TMEM117: variants seen among roughly 807,000 people sequenced by gnomAD.
TMEM117 encodes transmembrane protein 117.
A neutral mutation model predicts 52.4 loss-of-function variants in TMEM117; 27 were observed. That is an observed-to-expected ratio of 0.51 (90% CI 0.38 to 0.71). TMEM117 has a LOEUF of 0.71. Ranked by LOEUF, TMEM117 falls within the 30% of genes least tolerant of loss-of-function variation. The pLI is 0.00. For synonymous variants in TMEM117, 215 were observed against 206.3 expected (o/e 1.04, Z -0.36); for missense variants, 556 against 630.5 (o/e 0.88, Z 1.26).
chr12:44,248,129 C>T (rs771652478), intron 5 of TMEM117, among the ~76,000 whole-genome samples: 9 of 152,066 alleles, frequency 5.9e-5, no homozygotes, highest in Non-Finnish European at 1.0e-4. Context: ...TGGGTGGACT[C>T]CTCTCAATCG....
chr12:43,892,500 T>G (rs894437517), intron 2 of TMEM117, among the ~76,000 whole-genome samples: 3 of 152,194 alleles, frequency 2.0e-5, no homozygotes, highest in African/African-American at 7.2e-5. Flanking sequence ...AATTATGGAA[T>G]GATAGGAACC....
At chr12:44,041,809 G>T (rs1946803007) in intron 3 of TMEM117, among the ~76,000 whole-genome samples, 1 of 152,110 alleles carries the variant, frequency 6.6e-6, no homozygotes, top group Non-Finnish European at 1.5e-5. Flanking sequence ...TGTAAGGTTG[G>T]TTAATACAAA....
At chr12:44,119,030 A>AT (rs1311856440) in intron 3 of TMEM117, among the ~76,000 whole-genome samples, 1 of 151,938 alleles carries the variant, frequency 6.6e-6, no homozygotes, top group Non-Finnish European at 1.5e-5. Flanking sequence ...TTTACTGTTA[A>AT]TTTTTTTTCA....
chr12:43,808,671 TG>T, the TMEM117 span, among the ~76,000 whole-genome samples: 2 of 151,884 alleles, frequency 1.3e-5, no homozygotes, highest in Admixed American at 6.6e-5. Context: ...CTAGGCCAAG[TG>T]GGATGGCTGA....
intron 2 of TMEM117, among the ~76,000 whole-genome samples, chr12:43,929,139 T>G (rs960909216): frequency 1.3e-5 from 2 of 152,140 alleles, no homozygotes; most frequent in Admixed American, 6.5e-5. Flanking sequence ...CAAATGGTAT[T>G]TCTAGTTCTA....
chr12:44,221,945 C>A (rs1430808454), intron 5 of TMEM117, among the ~76,000 whole-genome samples: 1 of 152,046 alleles, frequency 6.6e-6, no homozygotes, highest in Admixed American at 6.6e-5. Flanking sequence ...GTAATCCGCC[C>A]GCCTTAGCCT....
At chr12:44,288,102 G>A (rs189691380) in intron 5 of TMEM117, among the ~76,000 whole-genome samples, 55 of 152,248 alleles carry the variant, frequency 3.6e-4, no homozygotes, top group African/African-American at 1.1e-3. Context: ...AATTATCATA[G>A]CATGGTGAAG....
chr12:44,176,679 T>G (rs1452701157), intron 4 of TMEM117, among the ~76,000 whole-genome samples: 1 of 152,148 alleles, frequency 6.6e-6, no homozygotes, highest in Non-Finnish European at 1.5e-5. Context: ...AAGCTCTGGT[T>G]TAGTTAAACC....
chr12:44,173,024 C>T (rs116298016), intron 4 of TMEM117, among the ~76,000 whole-genome samples: 3,284 of 152,238 alleles, frequency 0.022, 52 homozygotes, highest in South Asian at 0.061. Flanking sequence ...CGCGCCCGGC[C>T]GCAAAATCTT....
At chr12:44,159,682 A>T (rs1215883843) in intron 4 of TMEM117, among the ~76,000 whole-genome samples, 1 of 152,160 alleles carries the variant, frequency 6.6e-6, no homozygotes, top group African/African-American at 2.4e-5. Context: ...CGTGCCTGTG[A>T]ATTAGCACTG....
chr12:43,802,056 C>G, the TMEM117 span, among the ~76,000 whole-genome samples: 1 of 151,988 alleles, frequency 6.6e-6, no homozygotes, highest in Non-Finnish European at 1.5e-5. Context: ...ATTGCCATTG[C>G]CACAAATTTT....
At chr12:44,340,429 T>C (rs1375603086) in intron 6 of TMEM117, among the ~76,000 whole-genome samples, 1 of 152,154 alleles carries the variant, frequency 6.6e-6, no homozygotes, top group Non-Finnish European at 1.5e-5. Context: ...ATAAACACTG[T>C]GATTTGGCTA....
intron 2 of TMEM117, among the ~76,000 whole-genome samples, chr12:43,885,363 TC>T (rs1473738558): frequency 6.6e-6 from 1 of 152,148 alleles, no homozygotes; most frequent in African/African-American, 2.4e-5. Flanking sequence ...CCTGACTTGT[TC>T]TCTTGCTTTC....
chr12:44,229,812 T>C (rs747402813), intron 5 of TMEM117, among the ~76,000 whole-genome samples: 12 of 152,130 alleles, frequency 7.9e-5, no homozygotes, highest in Non-Finnish European at 1.6e-4. Flanking sequence ...TGTTATAGAT[T>C]ACATGCATGG....
At chr12:44,337,134 G>A (rs550488425) in intron 6 of TMEM117, among the ~76,000 whole-genome samples, 2 of 152,078 alleles carry the variant, frequency 1.3e-5, no homozygotes, top group South Asian at 2.1e-4. Flanking sequence ...CAATTAATAA[G>A]AACAAAAATA....
intron 6 of TMEM117, among the ~76,000 whole-genome samples, chr12:44,309,859 T>C (rs1272479398): frequency 1.3e-5 from 2 of 151,128 alleles, no homozygotes; most frequent in Non-Finnish European, 2.9e-5. Context: ...GCATATAAAA[T>C]GAAATAATAT....
At chr12:44,080,293 C>T (rs778216686) in intron 3 of TMEM117, among the ~76,000 whole-genome samples, 2 of 152,038 alleles carry the variant, frequency 1.3e-5, no homozygotes, top group East Asian at 1.9e-4. Flanking sequence ...GAAGCAAACA[C>T]GTCCCTCTTC....
chr12:44,326,005 A>T (rs1846000745), intron 6 of TMEM117, among the ~76,000 whole-genome samples: 1 of 152,080 alleles, frequency 6.6e-6, no homozygotes, highest in Non-Finnish European at 1.5e-5. Context: ...CTACCAAAAA[A>T]TACAAAAATT....
intron 6 of TMEM117, 77 bp from the exon 7 acceptor site, chr12:44,376,518 A>T (rs73090683): frequency 2.7e-5 from 42 of 1,557,350 alleles, no homozygotes; most frequent in Non-Finnish European, 3.6e-5. Context: ...AAGTGCTTAT[A>T]AAAAGTCAAT....
Sources: gnomAD v4.1 joint callset for allele counts (sites outside exome capture counted in the v4.1 genomes callset) on GRCh38, gnomAD v4.1.1 for gene constraint, MANE v1.5 for transcripts, NCBI Gene and HGNC (gene_info 2026-07-23, HGNC 2026-07-21) for gene names.